MCM3AP: variants seen among roughly 807,000 people sequenced by gnomAD.
MCM3AP encodes minichromosome maintenance complex component 3 associated protein.
A neutral mutation model predicts 184.1 loss-of-function variants in MCM3AP; 126 were observed. The observed-to-expected ratio is 0.68, with a 90% CI of 0.59 to 0.79. The LOEUF (loss-of-function observed/expected upper bound fraction) is 0.79, where lower values mean the gene tolerates loss of function less well. Among genes scored for constraint, MCM3AP ranks in the 30% least tolerant of loss-of-function variants. The probability of loss-of-function intolerance (pLI) is 0.00; values close to 1 mark genes in which losing one functional copy is unlikely to be tolerated. For missense variants in MCM3AP, 2,496 were observed against 2,479.2 expected (o/e 1.01, Z -0.14); for synonymous variants, 1,002 against 979.3 (o/e 1.02, Z -0.43).
At chr21:46,275,489 A>G (rs2081244528) in intron 5 of MCM3AP, among the ~76,000 whole-genome samples, 164 bp from the exon 6 acceptor site, 2 of 152,220 alleles carry the variant, frequency 1.3e-5, no homozygotes, top group South Asian at 4.1e-4. Flanking sequence ...GACAAAGAGG[A>G]CTTATGGTCT....
intron 4 of MCM3AP, among the ~76,000 whole-genome samples, chr21:46,278,714 C>A (rs1386648022): frequency 6.6e-6 from 1 of 151,760 alleles, no homozygotes; most frequent in African/African-American, 2.4e-5. Context: ...CGCTCTGTTG[C>A]CCAGTCTGGA....
At chr21:46,282,455 G>A (rs761200577) in intron 2 of MCM3AP, among the ~76,000 whole-genome samples, 7 of 152,226 alleles carry the variant, frequency 4.6e-5, no homozygotes, top group Non-Finnish European at 8.8e-5. Flanking sequence ...AAATAGTGAC[G>A]ATATAAAGCT....
rs753963325 is a variant in MCM3AP, at chr21:46,245,110, C to T, written c.4735G>A (p.Gly1579Arg). Residue 1579 changes from glycine (G) to arginine (R), a missense_variant, in exon 23 of 28, where the codon GGG becomes AGG. Coordinates refer to ENST00000291688, the MANE Select transcript of MCM3AP (RefSeq NM_003906.5). The stretch of plus-strand genomic sequence containing the variant: ...CGGCCACTAAACTCATGGCCAATCC[C>T]GTCTTCGACGTACTGAATGAGAGTC... ...CQTLIQYVEDGIGHEFSGRFF... is the reference protein window; with the variant it reads ...CQTLIQYVEDRIGHEFSGRFF... 6.2e-6 allele frequency: 10 copies of T among 1,614,102 alleles called. No homozygotes were observed. The East Asian group carries it at 6.7e-5, about 11-fold the overall frequency.
At chr21:46,246,487 C>G (rs1295200901) in intron 21 of MCM3AP, 83 bp from the exon 22 acceptor site, 2 of 1,380,636 alleles carry the variant, frequency 1.4e-6, no homozygotes, top group Non-Finnish European at 2.1e-6. Flanking sequence ...TGACCCCACC[C>G]AGTCCTGCAG....
rs1053197793 is a variant in MCM3AP, at chr21:46,243,375, C to T, written c.5296+90G>A. The T allele has an allele frequency of 1.4e-5, 20 of 1,435,024 alleles. No individual in the cohort carries two copies. The Admixed American group carries it at 4.5e-4, about 32-fold the overall frequency. The allele number at this position is 1,435,024 out of a possible 1,614,324, so 88.9% of individuals were successfully genotyped here. A position where few individuals can be genotyped will look rare whatever the true frequency, so the allele number is the denominator to read the frequency against. Reference sequence around the variant, plus strand: ...GAAGGATAGAGACCCAAAAGAAAAGCAGCAACATCAACTAAACATCTTCCT... The same window carrying T: ...GAAGGATAGAGACCCAAAAGAAAAGTAGCAACATCAACTAAACATCTTCCT... On this transcript the variant is annotated intron_variant, in intron 24 of 27. Transcript: ENST00000291688.
In MCM3AP at chr21:46,255,229, A is replaced by G. The variant is rs939721602; in HGVS notation, c.3933-385T>C. ...TGATATGTGAGCAAAGACCTGAAGG[A>G]AACAGGGGGAGCCAGCGTGACAACT... is the stretch of plus-strand genomic sequence containing the variant. On this transcript the variant is annotated intron_variant, in intron 17 of 27. Transcript: ENST00000291688. 2.0e-5 allele frequency among the ~76,000 whole-genome samples: 3 copies of G among 151,896 alleles called. No individual in the cohort carries two copies. In the East Asian group the frequency reaches 5.8e-4, roughly 29 times the overall value.
chr21:46,237,268 A>G (rs895405915), intron 26 of MCM3AP, among the ~76,000 whole-genome samples: 6 of 151,660 alleles, frequency 4.0e-5, no homozygotes, highest in African/African-American at 1.5e-4. Context: ...TGCCCAGCTA[A>G]TTTTTTGTAC....
chr21:46,235,535 C>A lies in MCM3AP; in HGVS notation c.5785-109G>T. Reference sequence around the variant, plus strand: ...ATGTTAGAAACCTCATCTGAGTAGTCATTTATTTTTACAGAGGGAAAAAAA... The same window carrying A: ...ATGTTAGAAACCTCATCTGAGTAGTAATTTATTTTTACAGAGGGAAAAAAA... On this transcript the variant is annotated intron_variant, in intron 27 of 27. Coordinates refer to ENST00000291688, the MANE Select transcript of MCM3AP (RefSeq NM_003906.5). 4 of 903,424 alleles carry A rather than the reference C, an allele frequency of 4.4e-6. No individual in the cohort carries two copies. In the South Asian group the frequency reaches 6.5e-5, roughly 15 times the overall value. 56.0% of individuals were successfully genotyped at this position (903,424 alleles called of 1,614,324 possible).
chr21:46,244,809 C>G lies in MCM3AP; in HGVS notation c.5036G>C (p.Gly1679Ala). Reference protein sequence around the residue: ...QLPQMDLPPLGAPWLPVCSMV... With the variant: ...QLPQMDLPPLAAPWLPVCSMV... Reference sequence around the variant, plus strand: ...ACCTCCCCAGGTCAAGCACGTACCCCCCAGGGGTGGAAGGTCCATCTGCGG... The same window carrying G: ...ACCTCCCCAGGTCAAGCACGTACCCGCCAGGGGTGGAAGGTCCATCTGCGG... Residue 1679 changes from glycine to alanine, a missense_variant and splice_region_variant, in exon 23 of 28, where the codon GGG becomes GCG. By Grantham distance (60) the Gly-to-Ala change is moderately conservative. Coordinates refer to ENST00000291688, the MANE Select transcript of MCM3AP (RefSeq NM_003906.5). 1.9e-6 allele frequency: 3 copies of G among 1,611,036 alleles called. No individual in the cohort carries two copies. Among genetic ancestry groups the G allele is most frequent in the Non-Finnish European group, 1.7e-6 (2 of 1,178,284 alleles).
chr21:46,247,010 G>A, intron 20 of MCM3AP, 124 bp from the exon 21 acceptor site: 2 of 914,382 alleles, frequency 2.2e-6, no homozygotes, highest in Admixed American at 4.5e-5. Context: ...ACTCCAGACA[G>A]GCCTCCAAGG....
chr21:46,283,696 G>T lies in MCM3AP; in HGVS notation c.1362C>A (p.Asn454Lys). 1 of 1,614,164 alleles carries T rather than the reference G, an allele frequency of 6.2e-7. No homozygotes were observed. The highest frequency in any genetic ancestry group is 8.5e-7 in the Non-Finnish European group (1 of 1,180,006). The change falls in exon 2 of 28, where the codon AAC becomes AAA. Residue 454 changes from asparagine (N) to lysine (K), a missense_variant. Asn to Lys is a moderately conservative substitution (Grantham distance 94, BLOSUM62 0). This residue lies in a region of MCM3AP where 800 missense variants were observed against 717.1 expected (regional missense o/e 1.12). Transcript: ENST00000291688. The part of the protein sequence containing the change: ...DYLNDRTILE[N>K]HFGKIAKVQR... ...GCACTTTAGCAATTTTGCCAAAATG[G>T]TTCTCCAGAATGGTCCTGTCGTTGA... is the stretch of plus-strand genomic sequence containing the variant.
intron 20 of MCM3AP, among the ~76,000 whole-genome samples, chr21:46,249,077 C>T (rs367995302): frequency 9.4e-4 from 143 of 152,148 alleles, no homozygotes; most frequent in African/African-American, 3.2e-3. Context: ...ATTTTTAGGA[C>T]GCCATGAACA....
chr21:46,265,239 C>G (rs2145676298), intron 12 of MCM3AP, 82 bp downstream of exon 12: 1 of 1,341,220 alleles, frequency 7.5e-7, no homozygotes, highest in Middle Eastern at 2.2e-4. Flanking sequence ...GCGCCACAGC[C>G]CCACCTCATG....
At position 46,275,292 on chromosome 21, in the gene MCM3AP, C is replaced by T. The variant is rs770745542; in HGVS notation, c.1892G>A (p.Arg631Lys). Reference protein sequence around the residue: ...RVKRTDLDKARTFVGTCLDMC... With the variant: ...RVKRTDLDKAKTFVGTCLDMC... ...ATCCAGGCAGGTGCCAACAAAAGTC[C>T]TCGCTTTGTCCAGATCGGTTCTCTT... The change falls in exon 6 of 28, where the codon AGG becomes AAG. Residue 631 changes from arginine (R) to lysine (K), a missense_variant. By Grantham distance (26) the Arg-to-Lys change is conservative. Transcript: ENST00000291688. 6.2e-7 allele frequency: 1 copy of T among 1,614,132 alleles called. No homozygotes were observed. The highest frequency in any genetic ancestry group is 1.1e-5 in the South Asian group (1 of 91,074).
Position 46,245,075 on chromosome 21 carries a change from A to T in MCM3AP, c.4770T>A (p.His1590Gln). The change falls in exon 23 of 28, where the codon CAT (histidine) becomes CAA (glutamine). Residue 1590 changes from histidine to glutamine, a missense_variant. By Grantham distance (24) the His-to-Gln change is conservative. Coordinates refer to ENST00000291688, the MANE Select transcript of MCM3AP (RefSeq NM_003906.5). Reference protein sequence around the residue: ...IGHEFSGRFFHDRRERRLGGL... With the variant: ...IGHEFSGRFFQDRRERRLGGL... ...CGCCCAGACGCCTCTCTCTTCTGTC[A>T]TGGAAAAAGCGGCCACTAAACTCAT... The T allele has an allele frequency of 6.2e-7, 1 of 1,614,244 alleles. No homozygotes were observed. The highest frequency in any genetic ancestry group is 8.5e-7 in the Non-Finnish European group (1 of 1,180,038).
intron 25 of MCM3AP, chr21:46,241,241 G>A (rs2080659384): frequency 3.6e-6 from 2 of 550,794 alleles, no homozygotes; most frequent in African/African-American, 1.9e-5. Flanking sequence ...GCACTGTAGG[G>A]ACCCTTATGC....
At chr21:46,272,955 T>A in intron 7 of MCM3AP, 126 bp from the exon 8 acceptor site, 1 of 927,118 alleles carries the variant, frequency 1.1e-6, no homozygotes, top group Non-Finnish European at 1.6e-6. Flanking sequence ...ATGCACATTT[T>A]AATAGGACTT....
intron 17 of MCM3AP, among the ~76,000 whole-genome samples, chr21:46,255,272 G>T (rs775826593): frequency 3.9e-5 from 6 of 152,216 alleles, no homozygotes; most frequent in Non-Finnish European, 8.8e-5. Context: ...ACAGCAGAGG[G>T]CATGGCTATG....
chr21:46,257,081 A>G, intron 16 of MCM3AP, 95 bp from the exon 17 acceptor site: 2 of 1,486,680 alleles, frequency 1.3e-6, no homozygotes, highest in Non-Finnish European at 1.8e-6. Context: ...GGAAGGAAGG[A>G]CATCAAATGA....
Sources: allele counts gnomAD v4.1 joint callset (sites outside exome capture counted in the v4.1 genomes callset), GRCh38; gene constraint gnomAD v4.1.1; regional missense constraint gnomAD v4.1.1; transcripts MANE v1.5; gene names NCBI Gene and HGNC (gene_info 2026-07-23, HGNC 2026-07-21).